Variants in REEP1 observed in about 807,000 individuals in gnomAD.
The protein encoded by REEP1 is receptor accessory protein 1, also known as receptor expression-enhancing protein 1.
In REEP1, 22 loss-of-function variants were observed where a neutral mutation model predicts 40.3. The observed-to-expected ratio is 0.55, with a 90% CI of 0.39 to 0.78. The LOEUF (loss-of-function observed/expected upper bound fraction) is 0.78, where lower values mean the gene tolerates loss of function less well. REEP1 is among the 30% of genes least tolerant of loss of function. The pLI is 0.00. For synonymous variants in REEP1, 116 were observed against 139.2 expected (o/e 0.83, Z 1.17); for missense variants, 280 against 361.1 (o/e 0.78, Z 1.82).
chr2:86,278,104 T>A (rs2104378524), intron 2 of REEP1, among the ~76,000 whole-genome samples: 1 of 152,308 alleles, frequency 6.6e-6, no homozygotes, highest in East Asian at 1.9e-4. Flanking sequence ...TCAACATGTG[T>A]TCATTTTATA....
Position 86,216,356 on chromosome 2 carries a change from T to G in REEP1, c.*683A>C, listed in dbSNP as rs950595774. ...CTGTGTTGTGAAATATTGTTTCTCTTAGTTTGTAACTTGTCTGGTCTTTTG... is the reference window on the plus strand; with the variant it reads ...CTGTGTTGTGAAATATTGTTTCTCTGAGTTTGTAACTTGTCTGGTCTTTTG... On this transcript the variant is annotated 3_prime_UTR_variant, in exon 9 of 9. Coordinates refer to ENST00000538924, the MANE Select transcript of REEP1 (RefSeq NM_001371279.1). 6.6e-6 allele frequency: 1 copy of G among 152,252 alleles called. No individual in the cohort carries two copies. Among genetic ancestry groups the G allele is most frequent in the Non-Finnish European group, 1.5e-5 (1 of 68,066 alleles). The allele number at this position is 152,252 out of a possible 1,614,324, so 9.4% of individuals were successfully genotyped here.
chr2:86,315,377 C>T (rs1410469147), intron 1 of REEP1, among the ~76,000 whole-genome samples: 1 of 152,242 alleles, frequency 6.6e-6, no homozygotes, highest in Admixed American at 6.5e-5. Flanking sequence ...GTAACCTGCA[C>T]AGCCTGCCTA....
chr2:86,264,900 C>G (rs940553504), intron 2 of REEP1, among the ~76,000 whole-genome samples: 1 of 152,182 alleles, frequency 6.6e-6, no homozygotes, highest in East Asian at 1.9e-4. Context: ...TGAGGACAGT[C>G]CTCACTCTGC....
Position 86,232,691 on chromosome 2 carries a change from G to A in REEP1, c.529C>T (p.Arg177Trp), listed in dbSNP as rs144874997. ...GGCTGGCCGTGTTTGCCGCTGGCCC[G>A]CCCAGACCCCGGTGGTGGGGGGCCC... ...PSGPPPPGSG[R>W]ASGKHGQPKM... The change falls in exon 6 of 9, where the codon CGG (arginine) becomes TGG (tryptophan). Residue 177 changes from arginine to tryptophan, a missense_variant. Arg to Trp is a moderately radical substitution (Grantham distance 101, BLOSUM62 -3). This residue lies in a region of REEP1 where 201 missense variants were observed against 238.5 expected (regional missense o/e 0.84). Transcript: ENST00000538924. The A allele has an allele frequency of 1.7e-4, 268 of 1,611,742 alleles. 1 individual carries two copies. In the African/African-American group the frequency reaches 2.7e-3, roughly 16 times the overall value.
At chr2:86,259,315 A>G (rs1318300611) in intron 3 of REEP1, among the ~76,000 whole-genome samples, 2 of 152,020 alleles carry the variant, frequency 1.3e-5, no homozygotes, top group East Asian at 3.9e-4. Flanking sequence ...GTCTGGGAGA[A>G]GAGAGACACT....
intron 1 of REEP1, among the ~76,000 whole-genome samples, chr2:86,290,131 G>C (rs1558917827): frequency 1.3e-5 from 2 of 152,086 alleles, no homozygotes; most frequent in Admixed American, 6.5e-5. Context: ...TGAGTAGCTG[G>C]GATTACAGGC....
chr2:86,261,840 G>A (rs1450934473), intron 3 of REEP1, among the ~76,000 whole-genome samples: 2 of 152,268 alleles, frequency 1.3e-5, no homozygotes, highest in East Asian at 1.9e-4. Context: ...TATAAAACCC[G>A]ATTGTACGTT....
At chr2:86,302,643 A>G (rs963201628) in intron 1 of REEP1, among the ~76,000 whole-genome samples, 10 of 152,224 alleles carry the variant, frequency 6.6e-5, no homozygotes, top group African/African-American at 2.4e-4. Flanking sequence ...AATTGGCTAT[A>G]AAACATTAAA....
At chr2:86,246,522 A>G (rs1229719859) in intron 5 of REEP1, among the ~76,000 whole-genome samples, 2 of 152,180 alleles carry the variant, frequency 1.3e-5, no homozygotes, top group African/African-American at 4.8e-5. Flanking sequence ...GAGTTATGAG[A>G]CAAGTGAAAA....
intron 1 of REEP1, among the ~76,000 whole-genome samples, chr2:86,324,664 A>G (rs571458781): frequency 6.6e-6 from 1 of 152,292 alleles, no homozygotes; most frequent in Non-Finnish European, 1.5e-5. Flanking sequence ...GGTCAGTCAA[A>G]GTGATCAATG....
chr2:86,221,823 C>T (rs1674445408), intron 7 of REEP1, among the ~76,000 whole-genome samples: 1 of 152,176 alleles, frequency 6.6e-6, no homozygotes, highest in African/African-American at 2.4e-5. Flanking sequence ...CCCCCATTAA[C>T]CAAACCAGGA....
upstream of REEP1, chr2:86,337,900 C>T (rs1681129925): frequency 1.4e-5 from 14 of 1,023,236 alleles, no homozygotes; most frequent in South Asian, 2.0e-4. This position sits in a 1 kb window ranked among gnomAD's most constrained non-coding sequence, Gnocchi z 5.8. Flanking sequence ...TGCTGCCCCA[C>T]CCTCAGCGTT....
chr2:86,323,026 T>C (rs563973454), intron 1 of REEP1, among the ~76,000 whole-genome samples: 1 of 152,150 alleles, frequency 6.6e-6, no homozygotes, highest in South Asian at 2.1e-4. Flanking sequence ...AGTGAGACAA[T>C]GTCTCTACAC....
intron 1 of REEP1, among the ~76,000 whole-genome samples, chr2:86,301,354 T>G (rs1679249586): frequency 6.6e-6 from 1 of 152,256 alleles, no homozygotes. Context: ...AACAACTCCC[T>G]GCATACCGGG....
chr2:86,243,876 A>T (rs994453389), intron 5 of REEP1, among the ~76,000 whole-genome samples: 11 of 152,218 alleles, frequency 7.2e-5, no homozygotes, highest in East Asian at 5.8e-4. Flanking sequence ...TGGCCAGGAA[A>T]TGCTCCTCTG....
At chr2:86,263,584 A>G (rs759547947) in intron 3 of REEP1, among the ~76,000 whole-genome samples, 10 of 152,174 alleles carry the variant, frequency 6.6e-5, no homozygotes, top group Non-Finnish European at 1.0e-4. Context: ...AGTAGTGATT[A>G]TGTTGACCAT....
chr2:86,286,030 T>C lies in REEP1; in HGVS notation c.33-3788A>G, dbSNP rs1027127789. On this transcript the variant is annotated intron_variant, in intron 1 of 8. Coordinates refer to ENST00000538924, the MANE Select transcript of REEP1 (RefSeq NM_001371279.1). ...CTCACAGCTCTGCGCCCACCCTCTC[T>C]TCCCCCCACTGTCATTAACTGTTAC... Among the ~76,000 whole-genome samples the C allele has an allele frequency of 4.6e-5, 7 of 151,252 alleles. 1 individual carries two copies. Among genetic ancestry groups the C allele is most frequent in the Admixed American group, 6.6e-5 (1 of 15,266 alleles).
chr2:86,232,832 A>T, intron 5 of REEP1, 30 bp from the exon 6 acceptor site: 1 of 1,593,428 alleles, frequency 6.3e-7, no homozygotes, highest in South Asian at 1.1e-5. Context: ...GGCACACGTC[A>T]GAGGTCCTGC....
chr2:86,219,451 CTTT>C (rs11350191), intron 8 of REEP1, among the ~76,000 whole-genome samples: 5 of 129,952 alleles, frequency 3.8e-5, no homozygotes, highest in Non-Finnish European at 4.9e-5. Context: ...TTTTTCTTTT[CTTT>C]TTTTTTTTTT....
Sources: gnomAD v4.1 joint callset for allele counts (sites outside exome capture counted in the v4.1 genomes callset) on GRCh38, gnomAD v4.1.1 for gene constraint, gnomAD v4.1.1 regional missense constraint, Gnocchi (gnomAD v3.1) non-coding constraint, MANE v1.5 for transcripts, NCBI Gene and HGNC (gene_info 2026-07-23, HGNC 2026-07-21) for gene names.